The following PPARGC1A variants were observed in gnomAD, a reference collection of about 807,000 sequenced individuals.
PPARGC1A encodes the protein peroxisome proliferator-activated receptor gamma coactivator 1-alpha.
Under a neutral mutation model 88.7 loss-of-function variants are expected in PPARGC1A, and 25 were observed. The ratio of observed to expected loss-of-function variants is 0.28; its 90% confidence interval spans 0.21 to 0.39. PPARGC1A has a LOEUF of 0.39. Ranked by LOEUF, PPARGC1A falls within the 10% of genes least tolerant of loss-of-function variation. The pLI is 1.00. For missense variants in PPARGC1A, 880 were observed against 968.7 expected (o/e 0.91, Z 1.22); for synonymous variants, 363 against 355.6 (o/e 1.02, Z -0.24).
chr4:23,854,251 T>C (rs1364296373), intron 2 of PPARGC1A, among the ~76,000 whole-genome samples: 1 of 152,212 alleles, frequency 6.6e-6, no homozygotes, highest in African/African-American at 2.4e-5. Flanking sequence ...TTAAGTAATG[T>C]TGCCAGGAAT....
the PPARGC1A span, among the ~76,000 whole-genome samples, chr4:24,321,534 G>A: frequency 6.6e-6 from 1 of 152,324 alleles, no homozygotes; most frequent in African/African-American, 2.4e-5. Context: ...GATGATACAA[G>A]TATTTGTCTG....
At chr4:23,864,743 G>C (rs904420776) in intron 2 of PPARGC1A, among the ~76,000 whole-genome samples, 2 of 152,210 alleles carry the variant, frequency 1.3e-5, no homozygotes, top group Admixed American at 6.5e-5. Flanking sequence ...AACCTGGTGT[G>C]TGCTGTATTG....
intron 2 of PPARGC1A, among the ~76,000 whole-genome samples, chr4:23,860,268 C>T (rs191093215): frequency 6.3e-4 from 84 of 133,688 alleles, no homozygotes; most frequent in Middle Eastern, 0.011. Flanking sequence ...AAGAGACACC[C>T]TACCTTAAAA....
In PPARGC1A at chr4:23,844,923, T is replaced by G. The variant is rs981124807; in HGVS notation, c.235-13172A>C. 2.2e-4 allele frequency among the ~76,000 whole-genome samples: 32 copies of G among 143,598 alleles called. 1 individual carries two copies. Among genetic ancestry groups the G allele is most frequent in the Non-Finnish European group, 4.5e-5 (3 of 66,596 alleles). 94.2% of individuals were successfully genotyped at this position (143,598 alleles called of 152,430 possible). A position where few individuals can be genotyped will look rare whatever the true frequency, so the allele number is the denominator to read the frequency against. On this transcript the variant is annotated intron_variant, in intron 2 of 12. Transcript: ENST00000264867. ...AGAAAGAGAAAAAAAGAGGTAGCAT[T>G]TGGAGCAGCAAAGCATAATAGCTAA...
At chr4:24,060,848 C>A in the PPARGC1A span, among the ~76,000 whole-genome samples, 1 of 151,886 alleles carries the variant, frequency 6.6e-6, no homozygotes, top group African/African-American at 2.4e-5. Context: ...ACATGCCAGC[C>A]CTTATAAGCC....
intron 2 of PPARGC1A, among the ~76,000 whole-genome samples, chr4:23,852,686 C>T (rs1334071498): frequency 1.3e-5 from 2 of 152,064 alleles, no homozygotes; most frequent in East Asian, 3.9e-4. Context: ...TTCTCTTCTC[C>T]CATGAAATAT....
the PPARGC1A span, among the ~76,000 whole-genome samples, chr4:24,207,073 A>G: frequency 1.3e-5 from 2 of 151,930 alleles, no homozygotes; most frequent in African/African-American, 4.8e-5. Flanking sequence ...TTGCTCTCAA[A>G]TTTTTTTAAA....
the PPARGC1A span, among the ~76,000 whole-genome samples, chr4:24,063,991 C>T: frequency 3.3e-5 from 5 of 151,962 alleles, no homozygotes; most frequent in African/African-American, 1.2e-4. Context: ...AATCTGTGTT[C>T]GAGACTCTGG....
the PPARGC1A span, among the ~76,000 whole-genome samples, chr4:24,072,164 ATAT>A: frequency 4.7e-4 from 70 of 147,590 alleles, no homozygotes; most frequent in African/African-American, 1.4e-3. Context: ...TTTTATTTTT[ATAT>A]TATTAAATTA....
the PPARGC1A span, among the ~76,000 whole-genome samples, chr4:23,978,047 G>A: frequency 6.6e-6 from 1 of 152,120 alleles, no homozygotes; most frequent in South Asian, 2.1e-4. Flanking sequence ...GACTGCATTC[G>A]GATATGAGGG....
At chr4:23,893,263 C>G (rs978843925), upstream of PPARGC1A, among the ~76,000 whole-genome samples, 4 of 152,068 alleles carry the variant, frequency 2.6e-5, no homozygotes, top group African/African-American at 9.7e-5. Flanking sequence ...TCCTTCCTCA[C>G]TCCTACTCCA....
chr4:24,303,807 G>T, the PPARGC1A span, among the ~76,000 whole-genome samples: 1 of 152,148 alleles, frequency 6.6e-6, no homozygotes, highest in East Asian at 1.9e-4. Flanking sequence ...GCAAAAATTG[G>T]TTGCTGTTCG....
At chr4:24,297,667 G>C in the PPARGC1A span, among the ~76,000 whole-genome samples, 1 of 152,146 alleles carries the variant, frequency 6.6e-6, no homozygotes, top group Non-Finnish European at 1.5e-5. Context: ...TTTGAAGGAA[G>C]TGGAAGCAGT....
At chr4:23,842,564 T>G (rs1031463549) in intron 2 of PPARGC1A, among the ~76,000 whole-genome samples, 3 of 152,106 alleles carry the variant, frequency 2.0e-5, no homozygotes, top group African/African-American at 7.2e-5. Context: ...TGTTGACATA[T>G]TAAGCCAGAT....
At chr4:24,202,244 T>C in the PPARGC1A span, among the ~76,000 whole-genome samples, 3 of 152,178 alleles carry the variant, frequency 2.0e-5, no homozygotes, top group African/African-American at 7.2e-5. Context: ...CACTGCAATT[T>C]TTAAATAATA....
the PPARGC1A span, among the ~76,000 whole-genome samples, chr4:24,050,452 T>G: frequency 6.6e-6 from 1 of 152,030 alleles, no homozygotes; most frequent in Admixed American, 6.6e-5. Context: ...CACCTCAGCC[T>G]CCCAAAGTGC....
At chr4:24,424,314 C>T in the PPARGC1A span, among the ~76,000 whole-genome samples, 2 of 117,666 alleles carry the variant, frequency 1.7e-5, no homozygotes, top group African/African-American at 6.5e-5. Flanking sequence ...CTCGCTCTGT[C>T]GCCCAGGCTC....
At chr4:24,470,332 A>T in the PPARGC1A span, among the ~76,000 whole-genome samples, 3 of 147,472 alleles carry the variant, frequency 2.0e-5, no homozygotes, top group Admixed American at 6.8e-5. The surrounding 1 kb of genome is among the most constrained non-coding windows in gnomAD (Gnocchi z 5.8). Flanking sequence ...ACACTCTCTC[A>T]CACAGGCAGG....
At chr4:24,267,968 G>A in the PPARGC1A span, among the ~76,000 whole-genome samples, 1 of 152,120 alleles carries the variant, frequency 6.6e-6, no homozygotes, top group Non-Finnish European at 1.5e-5. Flanking sequence ...ATCAACTGTA[G>A]AATTAAGTTA....
Sources: gnomAD v4.1 joint callset for allele counts (sites outside exome capture counted in the v4.1 genomes callset) on GRCh38, gnomAD v4.1.1 for gene constraint, Gnocchi (gnomAD v3.1) non-coding constraint, MANE v1.5 for transcripts, NCBI Gene and HGNC (gene_info 2026-07-23, HGNC 2026-07-21) for gene names.